Variants in ACVR2A observed in about 807,000 individuals in gnomAD.
ACVR2A encodes activin receptor type-2A.
ACVR2A carries 7 observed loss-of-function variants against 61.4 expected under a neutral mutation model. The ratio of observed to expected loss-of-function variants is 0.11; its 90% CI spans 0.06 to 0.21. The LOEUF (loss-of-function observed/expected upper bound fraction) is 0.21. Ranked by LOEUF, ACVR2A falls within the 10% of genes least tolerant of loss-of-function variation. The pLI is 1.00. For missense variants in ACVR2A, 322 were observed against 621.7 expected, an observed-to-expected ratio of 0.52 and a Z score of 5.13; for synonymous variants, 193 against 208.3, an observed-to-expected ratio of 0.93 and a Z score of 0.63.
chr2:147,857,350 TTGCATCTG>T (rs1685606405), intron 1 of ACVR2A, among the ~76,000 whole-genome samples: 1 of 151,938 alleles, frequency 6.6e-6, no homozygotes, highest in African/African-American at 2.4e-5. Flanking sequence ...ATATCTAGCC[TTGCATCTG>T]TGATGGAAGG....
chr2:147,897,599 A>G (rs1242884223), intron 2 of ACVR2A, among the ~76,000 whole-genome samples: 1 of 152,178 alleles, frequency 6.6e-6, no homozygotes, highest in Non-Finnish European at 1.5e-5. Context: ...TACAGTGAAC[A>G]CTAGATACTT....
chr2:147,851,212 G>A (rs1423942671), intron 1 of ACVR2A, among the ~76,000 whole-genome samples: 1 of 152,084 alleles, frequency 6.6e-6, no homozygotes, highest in African/African-American at 2.4e-5. Flanking sequence ...AGAATCTAAA[G>A]TCTTAGAATG....
intron 9 of ACVR2A, among the ~76,000 whole-genome samples, chr2:147,925,048 G>A (rs1453006991): frequency 4.6e-5 from 7 of 151,938 alleles, no homozygotes; most frequent in African/African-American, 1.4e-4. Context: ...TGCATTTCAA[G>A]AGCTTCACAA....
intron 1 of ACVR2A, among the ~76,000 whole-genome samples, chr2:147,857,638 G>A (rs1045203785): frequency 4.0e-5 from 6 of 151,644 alleles, no homozygotes; most frequent in Non-Finnish European, 7.4e-5. Flanking sequence ...AGTAGAAAGA[G>A]CAAACATTCT....
At chr2:147,852,751 T>TA (rs1170939434) in intron 1 of ACVR2A, among the ~76,000 whole-genome samples, 5 of 152,044 alleles carry the variant, frequency 3.3e-5, no homozygotes, top group African/African-American at 1.2e-4. Context: ...AAAAAAGTCT[T>TA]AGACGGAGAT....
intron 4 of ACVR2A, chr2:147,902,817 A>T (rs1290046756): frequency 6.6e-6 from 1 of 151,964 alleles, no homozygotes; most frequent in Non-Finnish European, 1.5e-5. Flanking sequence ...CCCCATATTC[A>T]CGTCCCCATA....
chr2:147,853,781 T>C lies in ACVR2A; in HGVS notation c.55+8574T>C, dbSNP rs111930359. Among the ~76,000 whole-genome samples, 1,202 of 152,240 alleles carry C rather than the reference T, an allele frequency of 7.9e-3. 15 individuals carry two copies. Among genetic ancestry groups the C allele is most frequent in the African/African-American group, 0.027 (1,127 of 41,572 alleles). On this transcript the variant is annotated intron_variant, in intron 1 of 10. Transcript: ENST00000241416. ...TTTTCGTAGTTATGATTATTAACTTTAAAATTTTTATTTTAAAGGAAAAGT... is the reference window on the plus strand; with the variant it reads ...TTTTCGTAGTTATGATTATTAACTTCAAAATTTTTATTTTAAAGGAAAAGT...
intron 1 of ACVR2A, among the ~76,000 whole-genome samples, chr2:147,861,682 C>T (rs1293526421): frequency 6.6e-6 from 1 of 151,808 alleles, no homozygotes; most frequent in Non-Finnish European, 1.5e-5. Flanking sequence ...TATTTGAAAT[C>T]CGAAAAAAAA....
At position 147,921,601 on chromosome 2, in the gene ACVR2A, C is replaced by A. The variant is rs181633597; in HGVS notation, c.1077+1257C>A. Among the ~76,000 whole-genome samples the A allele has an allele frequency of 1.2e-4, 18 of 152,120 alleles. No individual in the cohort carries two copies. In the East Asian group the frequency reaches 3.3e-3, roughly 28 times the overall value. ...GGGGTAATGGTCAGTAGCCATATAG[C>A]TCTAGAAAAGTTGACTGCAAATGTG... On this transcript the variant is annotated intron_variant, in intron 8 of 10. Transcript: ENST00000241416.
intron 1 of ACVR2A, among the ~76,000 whole-genome samples, chr2:147,852,454 C>T (rs1311374069): frequency 1.3e-5 from 2 of 151,988 alleles, no homozygotes; most frequent in South Asian, 2.1e-4. Flanking sequence ...TCAGTACTCT[C>T]TTAGTGGAAA....
chr2:147,873,904 C>T (rs187576535), intron 1 of ACVR2A, among the ~76,000 whole-genome samples: 28 of 152,034 alleles, frequency 1.8e-4, no homozygotes, highest in Middle Eastern at 3.4e-3. Flanking sequence ...ATTCATGAAA[C>T]ACAAGAGAAG....
chr2:147,887,967 A>T lies in ACVR2A; in HGVS notation c.56-8334A>T, dbSNP rs1429759055. 2.6e-5 allele frequency among the ~76,000 whole-genome samples: 4 copies of T among 152,184 alleles called. No homozygotes were observed. In the East Asian group the frequency reaches 7.7e-4, roughly 29 times the overall value. On this transcript the variant is annotated intron_variant, in intron 1 of 10. Transcript: ENST00000241416. Reference sequence around the variant, plus strand: ...GAGAGGTTTTTCTGGGAGGCTTTCTACAAGAGCTGGGCTTTCTGGAACTAC... The same window carrying T: ...GAGAGGTTTTTCTGGGAGGCTTTCTTCAAGAGCTGGGCTTTCTGGAACTAC...
At chr2:147,894,706 T>A (rs1348617925) in intron 1 of ACVR2A, among the ~76,000 whole-genome samples, 1 of 152,144 alleles carries the variant, frequency 6.6e-6, no homozygotes, top group East Asian at 1.9e-4. Context: ...TCAAAATTTT[T>A]ATTTTTTGCT....
At chr2:147,868,332 C>T (rs1685925035) in intron 1 of ACVR2A, among the ~76,000 whole-genome samples, 1 of 152,026 alleles carries the variant, frequency 6.6e-6, no homozygotes, top group South Asian at 2.1e-4. Context: ...CTGAAAACTC[C>T]CTTTAGACAG....
intron 9 of ACVR2A, among the ~76,000 whole-genome samples, chr2:147,924,613 T>A (rs938618012): frequency 6.6e-6 from 1 of 151,962 alleles, no homozygotes; most frequent in African/African-American, 2.4e-5. Flanking sequence ...TTCTGACTCT[T>A]AAGTCAGAAC....
chr2:147,898,403 T>G (rs1468920646), intron 2 of ACVR2A: 1 of 152,142 alleles, frequency 6.6e-6, no homozygotes, highest in East Asian at 1.9e-4. Flanking sequence ...GACATGATTT[T>G]AAATATGTTT....
intron 2 of ACVR2A, among the ~76,000 whole-genome samples, chr2:147,899,168 AT>A (rs1172327344): frequency 6.6e-6 from 1 of 152,150 alleles, no homozygotes; most frequent in Non-Finnish European, 1.5e-5. Flanking sequence ...AATTAAAAAA[AT>A]AAAAAAAGAT....
chr2:147,865,021 T>C (rs1331866753), intron 1 of ACVR2A, among the ~76,000 whole-genome samples: 1 of 152,180 alleles, frequency 6.6e-6, no homozygotes, highest in African/African-American at 2.4e-5. Context: ...GACTTTTTTT[T>C]TTTGGGAGGC....
chr2:147,880,804 G>A (rs893309494), intron 1 of ACVR2A, among the ~76,000 whole-genome samples: 1 of 152,182 alleles, frequency 6.6e-6, no homozygotes, highest in African/African-American at 2.4e-5. Flanking sequence ...GTTGAATGCA[G>A]AAGATGCTGT....
Sources: allele counts gnomAD v4.1 joint callset (sites outside exome capture counted in the v4.1 genomes callset), GRCh38; gene constraint gnomAD v4.1.1; transcripts MANE v1.5; gene names NCBI Gene and HGNC (gene_info 2026-07-23, HGNC 2026-07-21).